Variants in PCDHGB2 observed in about 807,000 individuals in gnomAD.
PCDHGB2 encodes protocadherin gamma subfamily B, 2, also known as protocadherin gamma-B2.
PCDHGB2 carries 55 observed loss-of-function variants against 59.3 expected under a neutral mutation model. The observed-to-expected ratio is 0.93, with a 90% confidence interval of 0.75 to 1.16. The LOEUF is 1.16. Among genes scored for constraint, PCDHGB2 ranks in the 50% most tolerant of loss-of-function variants. The pLI is 0.00. For synonymous variants in PCDHGB2, 516 were observed against 512.0 expected (o/e 1.01, Z -0.11); for missense variants, 1,228 against 1,198.5 (o/e 1.02, Z -0.36).
intron 1 of PCDHGB2, among the ~76,000 whole-genome samples, chr5:141,445,277 A>G (rs769047096): frequency 6.6e-6 from 1 of 152,256 alleles, no homozygotes; most frequent in African/African-American, 2.4e-5. Flanking sequence ...ACCACTCTGC[A>G]TAAGTTCAGG....
Position 141,360,463 on chromosome 5 carries a change from G to T in PCDHGB2, c.328G>T (p.Ala110Ser). The change falls in exon 1 of 4, where the codon GCT (alanine) becomes TCT (serine). Residue 110 changes from alanine (A) to serine (S), a missense_variant. Coordinates refer to ENST00000522605, the MANE Select transcript of PCDHGB2 (RefSeq NM_018923.3). The part of the protein sequence containing the change: ...PLCVLDFDTV[A>S]ENPLNIFYIA... ...GTGTGTTCTGGATTTCGATACTGTC[G>T]CTGAAAATCCACTAAATATTTTCTA... 1.2e-6 allele frequency: 2 copies of T among 1,613,904 alleles called. No homozygotes were observed. Among genetic ancestry groups the T allele is most frequent in the Non-Finnish European group, 8.5e-7 (1 of 1,179,850 alleles).
intron 1 of PCDHGB2, chr5:141,410,555 C>G: frequency 1.2e-6 from 2 of 1,613,202 alleles, no homozygotes; most frequent in Non-Finnish European, 1.7e-6. Flanking sequence ...CAGTGTTTCT[C>G]CTGGAGCCTT....
At chr5:141,467,018 CTTTGT>C (rs1209768587) in intron 1 of PCDHGB2, among the ~76,000 whole-genome samples, 4 of 149,992 alleles carry the variant, frequency 2.7e-5, no homozygotes, top group African/African-American at 7.3e-5. Context: ...ATTTTTTTCC[CTTTGT>C]TTTTGTTTTT....
intron 1 of PCDHGB2, among the ~76,000 whole-genome samples, chr5:141,474,463 T>C (rs1447737626): frequency 6.6e-6 from 1 of 152,228 alleles, no homozygotes; most frequent in Admixed American, 6.5e-5. Flanking sequence ...GCTATACTCT[T>C]TATTCTAAAT....
intron 1 of PCDHGB2, among the ~76,000 whole-genome samples, chr5:141,407,761 G>T (rs938743690): frequency 6.6e-6 from 1 of 152,132 alleles, no homozygotes; most frequent in Non-Finnish European, 1.5e-5. Context: ...GTATAAGTTT[G>T]AAATTGTGCA....
At chr5:141,420,692 A>G (rs2096518268) in intron 1 of PCDHGB2, among the ~76,000 whole-genome samples, 1 of 152,228 alleles carries the variant, frequency 6.6e-6, no homozygotes, top group Admixed American at 6.5e-5. Context: ...GGACCGTATT[A>G]TTTCCACTTC....
At chr5:141,406,185 A>G (rs1204342088) in intron 1 of PCDHGB2, among the ~76,000 whole-genome samples, 1 of 150,712 alleles carries the variant, frequency 6.6e-6, no homozygotes, top group Non-Finnish European at 1.5e-5. Flanking sequence ...CAATCCTCCC[A>G]CCTCAGCCTT....
intron 1 of PCDHGB2, chr5:141,390,730 A>T (rs964390196): frequency 2.0e-5 from 4 of 195,852 alleles, no homozygotes; most frequent in Non-Finnish European, 3.1e-5. Flanking sequence ...TTTAACTGGT[A>T]TGGTCTCCAT....
Position 141,371,428 on chromosome 5 carries a change from C to T in PCDHGB2, c.2421+8872C>T, listed in dbSNP as rs763264073. On this transcript the variant is annotated intron_variant, in intron 1 of 3. Coordinates refer to ENST00000522605, the MANE Select transcript of PCDHGB2 (RefSeq NM_018923.3). ...ATTTCAGATGAAAATGACAATGCCCCGGAGATAACCCTGGCTTCTGAATCC... is the reference window on the plus strand; with the variant it reads ...ATTTCAGATGAAAATGACAATGCCCTGGAGATAACCCTGGCTTCTGAATCC... 3.7e-6 allele frequency: 6 copies of T among 1,613,772 alleles called. No individual in the cohort carries two copies. The African/African-American group carries it at 5.3e-5, about 14-fold the overall frequency.
chr5:141,366,644 C>A, intron 1 of PCDHGB2: 3 of 1,614,268 alleles, frequency 1.9e-6, no homozygotes, highest in Non-Finnish European at 2.5e-6. Flanking sequence ...GATCTTTCCC[C>A]AGCCCAACTA....
chr5:141,509,320 C>T (rs1261653347), intron 3 of PCDHGB2, among the ~76,000 whole-genome samples: 2 of 152,194 alleles, frequency 1.3e-5, no homozygotes, highest in East Asian at 3.8e-4. Flanking sequence ...GGGAGAGAAG[C>T]TCTACTGCCA....
intron 1 of PCDHGB2, chr5:141,430,541 C>T: frequency 2.5e-6 from 1 of 392,344 alleles, no homozygotes; most frequent in Non-Finnish European, 4.5e-6. Flanking sequence ...ACTCTGAGCG[C>T]CGCTGTTCAC....
chr5:141,415,096 G>A (rs1398998410), intron 1 of PCDHGB2: 3 of 1,613,462 alleles, frequency 1.9e-6, no homozygotes, highest in Non-Finnish European at 2.5e-6. Flanking sequence ...GGACAGAGAC[G>A]CGCTCAAGCA....
At chr5:141,475,992 C>A in intron 1 of PCDHGB2, 1 of 1,158,844 alleles carries the variant, frequency 8.6e-7, no homozygotes, top group Non-Finnish European at 1.2e-6. Context: ...GCGAGCAAAT[C>A]AACGGCATCC....
rs72790010 is a variant in PCDHGB2 at position 141,360,170 on chromosome 5, G to C, written c.35G>C (p.Arg12Pro). The C allele has an allele frequency of 0.026, 42,447 of 1,607,730 alleles. 720 individuals are homozygous for C. The highest frequency in any genetic ancestry group is 0.041 in the East Asian group (1,828 of 44,620). The stretch of plus-strand genomic sequence containing the variant: ...AGCTCAGGGAGGTGCGGGCTGGTGC[G>C]GTGGCTGCAGGTACTGTTGCCCTTC... ...KASSGRCGLV[R>P]WLQVLLPFLL... The change falls in exon 1 of 4, where the codon CGG (arginine) becomes CCG (proline). Residue 12 changes from arginine (R) to proline (P), a missense_variant. Arg to Pro is a moderately radical substitution (Grantham distance 103). Around this residue, in one of 3 missense-constraint regions of PCDHGB2, gnomAD observed 781 missense variants for 721.6 expected, o/e 1.08. Transcript: ENST00000522605.
intron 1 of PCDHGB2, chr5:141,427,440 G>C (rs747459662): frequency 4.2e-6 from 2 of 477,366 alleles, no homozygotes; most frequent in African/African-American, 2.0e-5. Flanking sequence ...CCTCATAAAC[G>C]AAAGAGTTCC....
At chr5:141,413,369 A>G (rs767278842) in intron 1 of PCDHGB2, 1 of 1,613,964 alleles carries the variant, frequency 6.2e-7, no homozygotes, top group South Asian at 1.1e-5. Context: ...GAGCTGGCGG[A>G]GCGCGGAGTC....
At chr5:141,383,867 A>G in intron 1 of PCDHGB2, 3 of 1,614,006 alleles carry the variant, frequency 1.9e-6, no homozygotes, top group Non-Finnish European at 1.7e-6. Context: ...CAGGCTCAAG[A>G]TGGTCCTGGT....
At chr5:141,453,185 C>T (rs2098757478) in intron 1 of PCDHGB2, among the ~76,000 whole-genome samples, 1 of 152,146 alleles carries the variant, frequency 6.6e-6, no homozygotes, top group South Asian at 2.1e-4. Flanking sequence ...ACAATCACAG[C>T]TCACTGCAGC....
Sources: gnomAD v4.1 joint callset for allele counts (sites outside exome capture counted in the v4.1 genomes callset) on GRCh38, gnomAD v4.1.1 for gene constraint, gnomAD v4.1.1 regional missense constraint, MANE v1.5 for transcripts, NCBI Gene and HGNC (gene_info 2026-07-23, HGNC 2026-07-21) for gene names.